TRPM3: variants seen among roughly 807,000 people sequenced by gnomAD.
The protein encoded by TRPM3 is long transient receptor potential channel 3.
TRPM3 carries 77 observed loss-of-function variants against 181.2 expected under a neutral mutation model. The ratio of observed to expected loss-of-function variants is 0.42; its 90% CI spans 0.35 to 0.51. TRPM3 has a LOEUF of 0.51. Ranked by LOEUF, TRPM3 falls within the 20% of genes least tolerant of loss-of-function variation. TRPM3 has a pLI of 0.01. For missense variants in TRPM3, 1,759 were observed against 2,196.7 expected (o/e 0.80, Z 3.98); for synonymous variants, 745 against 796.4 (o/e 0.94, Z 1.09).
intron 9 of TRPM3, among the ~76,000 whole-genome samples, chr9:70,680,878 A>T (rs1563969312): frequency 6.6e-6 from 1 of 152,198 alleles, no homozygotes; most frequent in Non-Finnish European, 1.5e-5. Flanking sequence ...GGCTCCAAGG[A>T]TGAGGACAGA....
intron 1 of TRPM3, chr9:70,869,085 T>C: frequency 1.0e-6 from 1 of 982,668 alleles, no homozygotes; most frequent in Non-Finnish European, 1.2e-6. Context: ...TTAATAATGC[T>C]CTTATGACCG....
At chr9:70,787,763 C>CTTTTTTTTTTTTTTTTTTTTTTTTATTT in intron 6 of TRPM3, among the ~76,000 whole-genome samples, 4 of 68,558 alleles carry the variant, frequency 5.8e-5, no homozygotes, top group Non-Finnish European at 1.0e-4. Context: ...TTTTTGGATT[C>CTTTTTTTTTTTTTTTTTTTTTTTTATTT]TTTTTTTTTT....
intron 6 of TRPM3, among the ~76,000 whole-genome samples, chr9:70,785,081 G>C (rs1017448841): frequency 6.6e-6 from 1 of 151,932 alleles, no homozygotes; most frequent in Non-Finnish European, 1.5e-5. Context: ...GAATTACCCA[G>C]GAGATATGGT....
chr9:71,102,839 T>C (rs1044967065), intron 1 of TRPM3, among the ~76,000 whole-genome samples: 1 of 152,218 alleles, frequency 6.6e-6, no homozygotes, highest in Non-Finnish European at 1.5e-5. Context: ...TATGCTATTT[T>C]CATCTTTGCA....
At chr9:70,757,985 T>C (rs1324458930) in intron 8 of TRPM3, among the ~76,000 whole-genome samples, 3 of 152,174 alleles carry the variant, frequency 2.0e-5, no homozygotes, top group Non-Finnish European at 4.4e-5. Flanking sequence ...GCCAGGTCAA[T>C]TGGGCAAGAG....
intron 1 of TRPM3, among the ~76,000 whole-genome samples, chr9:71,202,280 G>C (rs2078853512): frequency 6.6e-6 from 1 of 150,496 alleles, no homozygotes; most frequent in Non-Finnish European, 1.5e-5. Context: ...GGGGTCAGGG[G>C]TCAGGGACCC....
intron 8 of TRPM3, among the ~76,000 whole-genome samples, chr9:70,691,453 A>AGAT (rs751854450): frequency 2.6e-5 from 4 of 152,202 alleles, no homozygotes; most frequent in Non-Finnish European, 4.4e-5. Context: ...TTTAAGTAGG[A>AGAT]GATTGTCTTA....
chr9:71,316,933 A>G (rs964184723), intron 1 of TRPM3, among the ~76,000 whole-genome samples: 2 of 152,218 alleles, frequency 1.3e-5, no homozygotes, highest in Non-Finnish European at 2.9e-5. Context: ...ATAATTCTAC[A>G]GTATCACTTT....
chr9:70,567,710 T>C (rs1428291582), intron 22 of TRPM3, among the ~76,000 whole-genome samples: 1 of 152,172 alleles, frequency 6.6e-6, no homozygotes, highest in Non-Finnish European at 1.5e-5. Context: ...AGAAAACAAG[T>C]TGGGCTTTTT....
chr9:71,234,678 C>T (rs919574787), intron 1 of TRPM3, among the ~76,000 whole-genome samples: 2 of 152,150 alleles, frequency 1.3e-5, no homozygotes, highest in African/African-American at 4.8e-5. Context: ...TTAATGTCTT[C>T]ATTTTAACTT....
intron 1 of TRPM3, among the ~76,000 whole-genome samples, chr9:71,438,651 C>T (rs141166357): frequency 9.2e-5 from 14 of 152,230 alleles, no homozygotes; most frequent in African/African-American, 2.4e-4. Context: ...CCAGCCTGGG[C>T]GATAGAGTGA....
At chr9:70,849,824 A>C (rs2095151144) in intron 3 of TRPM3, among the ~76,000 whole-genome samples, 2 of 152,188 alleles carry the variant, frequency 1.3e-5, no homozygotes. Flanking sequence ...ATTATCCAGG[A>C]GATGACAATT....
chr9:70,681,590 G>A lies in TRPM3; in HGVS notation c.1273-12C>T, dbSNP rs1404038010. The A allele has an allele frequency of 6.2e-7, 1 of 1,613,060 alleles. No homozygotes were observed. The highest frequency in any genetic ancestry group is 2.2e-5 in the East Asian group (1 of 44,862). Reference sequence around the variant, plus strand: ...CGAAATACCGTAATCTGCAATTTGAGACAAGGTGATCATTAGCAAAGCATT... The same window carrying A: ...CGAAATACCGTAATCTGCAATTTGAAACAAGGTGATCATTAGCAAAGCATT... On this transcript the variant is annotated splice_polypyrimidine_tract_variant and intron_variant, in intron 8 of 25. Coordinates refer to ENST00000677713, the MANE Select transcript of TRPM3 (RefSeq NM_001366145.2).
At chr9:71,349,871 A>T (rs1451207697) in intron 1 of TRPM3, among the ~76,000 whole-genome samples, 1 of 151,852 alleles carries the variant, frequency 6.6e-6, no homozygotes, top group East Asian at 1.9e-4. Flanking sequence ...AAGTGATAAC[A>T]TGGAAGCCTG....
intron 22 of TRPM3, among the ~76,000 whole-genome samples, chr9:70,576,189 C>A (rs2053881255): frequency 6.6e-6 from 1 of 152,074 alleles, no homozygotes; most frequent in African/African-American, 2.4e-5. Flanking sequence ...TGAGACTATC[C>A]AAGGTATCAC....
chr9:70,883,406 C>T (rs966488522), intron 1 of TRPM3, among the ~76,000 whole-genome samples: 3 of 152,218 alleles, frequency 2.0e-5, no homozygotes, highest in South Asian at 4.1e-4. Context: ...TAGGCAACTA[C>T]ACATGTATTA....
intron 22 of TRPM3, among the ~76,000 whole-genome samples, chr9:70,565,650 G>C (rs1026357777): frequency 2.6e-5 from 4 of 151,914 alleles, no homozygotes; most frequent in Non-Finnish European, 5.9e-5. Context: ...ATTGCGGTGG[G>C]GGCGGGGGCG....
At chr9:70,896,193 G>A (rs2096276141) in intron 1 of TRPM3, among the ~76,000 whole-genome samples, 1 of 152,164 alleles carries the variant, frequency 6.6e-6, no homozygotes, top group African/African-American at 2.4e-5. Flanking sequence ...TGTTTTTGGT[G>A]CAGGCTGTTG....
At chr9:70,978,985 G>A (rs1372314226) in intron 1 of TRPM3, among the ~76,000 whole-genome samples, 1 of 152,214 alleles carries the variant, frequency 6.6e-6, no homozygotes, top group East Asian at 1.9e-4. Flanking sequence ...AAGATTGAGT[G>A]TTACTGCCCT....
Sources: allele counts gnomAD v4.1 joint callset (sites outside exome capture counted in the v4.1 genomes callset), GRCh38; gene constraint gnomAD v4.1.1; transcripts MANE v1.5; gene names NCBI Gene and HGNC (gene_info 2026-07-23, HGNC 2026-07-21).